The following KLHL14 variants were observed in gnomAD, a reference collection of about 807,000 sequenced individuals.
KLHL14 encodes the protein kelch like family member 14.
Under a neutral mutation model 64.3 loss-of-function variants are expected in KLHL14, and 22 were observed. That is an observed-to-expected ratio of 0.34 (90% CI 0.24 to 0.49). The LOEUF (loss-of-function observed/expected upper bound fraction) is 0.49, where lower values mean the gene tolerates loss of function less well. Ranked by LOEUF, KLHL14 falls within the 20% of genes least tolerant of loss-of-function variation. KLHL14 has a pLI of 0.99. For synonymous variants in KLHL14, 322 were observed against 333.4 expected (o/e 0.97, Z 0.37); for missense variants, 661 against 789.0 (o/e 0.84, Z 1.94).
chr18:32,721,847 G>A (rs1430674085), intron 3 of KLHL14, among the ~76,000 whole-genome samples: 1 of 152,128 alleles, frequency 6.6e-6, no homozygotes, highest in African/African-American at 2.4e-5. Flanking sequence ...ATACCCACAT[G>A]ACCTAAAAAT....
At chr18:32,702,900 T>G (rs2049973410) in intron 3 of KLHL14, among the ~76,000 whole-genome samples, 1 of 152,116 alleles carries the variant, frequency 6.6e-6, no homozygotes, top group Non-Finnish European at 1.5e-5. Context: ...TTAAGGTGTA[T>G]AAATCTAAAA....
intron 2 of KLHL14, chr18:32,743,042 C>T (rs536730142): frequency 6.6e-6 from 1 of 152,262 alleles, no homozygotes; most frequent in African/African-American, 2.4e-5. Flanking sequence ...TCCTCAGGAA[C>T]AGTAATGGAT....
chr18:32,732,112 T>C (rs1431038299), intron 3 of KLHL14, among the ~76,000 whole-genome samples: 3 of 152,096 alleles, frequency 2.0e-5, no homozygotes, highest in Non-Finnish European at 2.9e-5. Flanking sequence ...TAGTCCCAGC[T>C]ACTCAGGAGG....
intron 5 of KLHL14, among the ~76,000 whole-genome samples, chr18:32,685,515 GAT>G (rs1463105742): frequency 2.0e-5 from 3 of 152,200 alleles, no homozygotes; most frequent in Non-Finnish European, 4.4e-5. Context: ...AGGGCAAAGT[GAT>G]GCAGCTGTAA....
intron 3 of KLHL14, among the ~76,000 whole-genome samples, chr18:32,736,606 A>G (rs1316342720): frequency 1.3e-5 from 2 of 152,118 alleles, no homozygotes; most frequent in African/African-American, 4.8e-5. Flanking sequence ...TCCTTGAAAT[A>G]GTCTCCATGT....
intron 2 of KLHL14, chr18:32,743,091 G>C (rs1054115253): frequency 3.3e-5 from 5 of 152,246 alleles, no homozygotes; most frequent in African/African-American, 1.2e-4. Flanking sequence ...AGGAGGCCCA[G>C]ACCCCTACAA....
At chr18:32,762,972 G>C (rs970596406) in intron 2 of KLHL14, among the ~76,000 whole-genome samples, 1 of 151,902 alleles carries the variant, frequency 6.6e-6, no homozygotes, top group African/African-American at 2.4e-5. Context: ...ACTTCTACCT[G>C]GTTATTTAAT....
chr18:32,741,733 G>A (rs567088647), intron 3 of KLHL14, among the ~76,000 whole-genome samples, 195 bp downstream of exon 3: 6 of 152,188 alleles, frequency 3.9e-5, no homozygotes, highest in Middle Eastern at 3.4e-3. Flanking sequence ...AGGCCTACTC[G>A]ACTACCAAAT....
intron 3 of KLHL14, among the ~76,000 whole-genome samples, chr18:32,726,104 C>T (rs1568075399): frequency 6.6e-6 from 1 of 152,214 alleles, no homozygotes; most frequent in Non-Finnish European, 1.5e-5. Context: ...GCAAATACGG[C>T]CTGTTGGCCA....
At chr18:32,713,377 C>A (rs1275170291) in intron 3 of KLHL14, among the ~76,000 whole-genome samples, 2 of 152,166 alleles carry the variant, frequency 1.3e-5, no homozygotes. Context: ...TCAACTTGCT[C>A]AGGACAAAAG....
Position 32,769,954 on chromosome 18 carries a change from A to G in KLHL14, c.638T>C (p.Val213Ala), listed in dbSNP as rs2144199475. The change falls in exon 2 of 9, where the codon GTG becomes GCG. Residue 213 changes from valine to alanine, a missense_variant. This residue lies in a region of KLHL14 where 331 missense variants were observed against 339.0 expected (regional missense o/e 0.98). Coordinates refer to ENST00000359358, the MANE Select transcript of KLHL14 (RefSeq NM_020805.3). The part of the protein sequence containing the change: ...KLANKYLVED[V>A]LLLNFEEMRA... ...CATCTCCTCGAAGTTGAGCAGCAGC[A>G]CATCCTCCACCAGGTACTTGTTGGC... is the stretch of plus-strand genomic sequence containing the variant. 6.2e-7 allele frequency: 1 copy of G among 1,614,208 alleles called. No individual in the cohort carries two copies. Among genetic ancestry groups the G allele is most frequent in the South Asian group, 1.1e-5 (1 of 91,084 alleles).
In KLHL14 at chr18:32,673,007, C is replaced by A. The variant is rs2049792509; in HGVS notation, c.*1650G>T. ...CATGATGTCAGCTGAGATTTTCCCA[C>A]AGAGTACTGTAACTTTTCTTTCTAT... On this transcript the variant is annotated 3_prime_UTR_variant, in exon 9 of 9. Coordinates refer to ENST00000359358, the MANE Select transcript of KLHL14 (RefSeq NM_020805.3). 1 of 152,266 alleles carries A rather than the reference C, an allele frequency of 6.6e-6. No individual in the cohort carries two copies. The highest frequency in any genetic ancestry group is 2.4e-5 in the African/African-American group (1 of 41,252). 9.4% of individuals were successfully genotyped at this position (152,266 alleles called of 1,614,324 possible).
chr18:32,682,008 G>A (rs1031911267), intron 5 of KLHL14, among the ~76,000 whole-genome samples: 1 of 152,154 alleles, frequency 6.6e-6, no homozygotes, highest in African/African-American at 2.4e-5. Context: ...ATACATATAA[G>A]TGCTTGTCAT....
chr18:32,686,772 G>A lies in KLHL14; in HGVS notation c.1238+383C>T, dbSNP rs537942191. On this transcript the variant is annotated intron_variant, in intron 5 of 8. Coordinates refer to ENST00000359358, the MANE Select transcript of KLHL14 (RefSeq NM_020805.3). Reference sequence around the variant, plus strand: ...TTAATATTAAATAATTTAATATTGAGTATTGAAATGTCTGTACCAAAATGC... The same window carrying A: ...TTAATATTAAATAATTTAATATTGAATATTGAAATGTCTGTACCAAAATGC... 3.9e-5 allele frequency among the ~76,000 whole-genome samples: 6 copies of A among 152,024 alleles called. No homozygotes were observed. In the East Asian group the frequency reaches 1.2e-3, roughly 29 times the overall value.
chr18:32,746,795 G>A (rs922787176), intron 2 of KLHL14, among the ~76,000 whole-genome samples: 4 of 152,220 alleles, frequency 2.6e-5, no homozygotes, highest in African/African-American at 9.6e-5. Context: ...AAACTTTGAG[G>A]TAATCTAGTT....
At chr18:32,696,098 T>TCA (rs2049935467) in intron 3 of KLHL14, among the ~76,000 whole-genome samples, 1 of 152,218 alleles carries the variant, frequency 6.6e-6, no homozygotes, top group Non-Finnish European at 1.5e-5. Flanking sequence ...GCTGATTTAA[T>TCA]GCCTCCTCCA....
At chr18:32,702,613 GCTA>G (rs1262076593) in intron 3 of KLHL14, among the ~76,000 whole-genome samples, 6 of 151,894 alleles carry the variant, frequency 4.0e-5, no homozygotes, top group Non-Finnish European at 7.4e-5. Flanking sequence ...AAAAAGCTCT[GCTA>G]CTTTTTTTCT....
intron 3 of KLHL14, among the ~76,000 whole-genome samples, chr18:32,701,284 G>T (rs1022154472): frequency 6.6e-6 from 1 of 152,168 alleles, no homozygotes; most frequent in Admixed American, 6.5e-5. Flanking sequence ...ATATGATAGA[G>T]AGGATGAACA....
intron 3 of KLHL14, among the ~76,000 whole-genome samples, chr18:32,700,190 CA>C (rs969847440): frequency 1.3e-5 from 2 of 152,070 alleles, no homozygotes; most frequent in African/African-American, 4.8e-5. Context: ...CAAGAGATTG[CA>C]AAGGGCTGTG....
Sources: gnomAD v4.1 joint callset for allele counts (sites outside exome capture counted in the v4.1 genomes callset) on GRCh38, gnomAD v4.1.1 for gene constraint, gnomAD v4.1.1 regional missense constraint, MANE v1.5 for transcripts, NCBI Gene and HGNC (gene_info 2026-07-23, HGNC 2026-07-21) for gene names.